Variants in BICC1 observed in about 807,000 individuals in gnomAD.
BICC1 encodes the protein BicC family RNA binding protein 1.
Under a neutral mutation model 111.0 loss-of-function variants are expected in BICC1, and 43 were observed. The ratio of observed to expected loss-of-function variants is 0.39; its 90% CI spans 0.30 to 0.50. The LOEUF (loss-of-function observed/expected upper bound fraction) is 0.50. BICC1 is among the 20% of genes least tolerant of loss of function. The pLI is 0.88. For missense variants in BICC1, 1,091 were observed against 1,203.2 expected, an observed-to-expected ratio of 0.91 and a Z score of 1.38; for synonymous variants, 467 against 434.4, an observed-to-expected ratio of 1.07 and a Z score of -0.93.
At position 58,806,639 on chromosome 10, in the gene BICC1, A is replaced by G. The variant is rs758523064; in HGVS notation, c.2221+16A>G. On this transcript the variant is annotated intron_variant, in intron 16 of 20. Transcript: ENST00000373886. ...GCCACCAAAGGTATGTAATACACTA[A>G]TAACTTACACTTGACTATATTTTAG... 5.0e-6 allele frequency: 8 copies of G among 1,592,000 alleles called. No homozygotes were observed. The African/African-American group carries it at 9.4e-5, about 19-fold the overall frequency.
At chr10:58,683,549 T>G (rs1242780314) in intron 2 of BICC1, among the ~76,000 whole-genome samples, 1 of 152,154 alleles carries the variant, frequency 6.6e-6, no homozygotes, top group Non-Finnish European at 1.5e-5. Flanking sequence ...TGTCCTCTTT[T>G]ATTTCGTTGA....
At chr10:58,717,641 A>G (rs1209731506) in intron 3 of BICC1, among the ~76,000 whole-genome samples, 1 of 152,222 alleles carries the variant, frequency 6.6e-6, no homozygotes, top group East Asian at 1.9e-4. Flanking sequence ...TGGCTATAAT[A>G]TACATTTCAA....
chr10:58,627,639 T>A (rs1002482283), intron 2 of BICC1, among the ~76,000 whole-genome samples: 3 of 152,232 alleles, frequency 2.0e-5, no homozygotes, highest in African/African-American at 7.2e-5. Flanking sequence ...ATTAGCTGTT[T>A]GTGAGGAAGG....
chr10:58,798,939 A>C, intron 11 of BICC1, 117 bp from the exon 12 acceptor site: 1 of 803,050 alleles, frequency 1.2e-6, no homozygotes. Context: ...CAGAGGTGTC[A>C]AAATTGAATT....
At chr10:58,572,193 T>A (rs1326919799) in intron 1 of BICC1, among the ~76,000 whole-genome samples, 1 of 152,180 alleles carries the variant, frequency 6.6e-6, no homozygotes, top group African/African-American at 2.4e-5. Context: ...TCTCGTAAAT[T>A]TGTCTAAGTT....
chr10:58,595,034 G>A (rs1202446795), intron 1 of BICC1, among the ~76,000 whole-genome samples: 1 of 152,146 alleles, frequency 6.6e-6, no homozygotes, highest in Non-Finnish European at 1.5e-5. Context: ...TATTTACCAA[G>A]CAAATGGAAA....
At chr10:58,565,659 T>C (rs142952233) in intron 1 of BICC1, among the ~76,000 whole-genome samples, 2 of 152,316 alleles carry the variant, frequency 1.3e-5, no homozygotes, top group African/African-American at 4.8e-5. Flanking sequence ...TGCTTCAGGC[T>C]GTAAAACTGA....
intron 3 of BICC1, among the ~76,000 whole-genome samples, chr10:58,766,999 G>A (rs1025620834): frequency 6.6e-6 from 1 of 152,076 alleles, no homozygotes; most frequent in African/African-American, 2.4e-5. Context: ...TTCAACAGCT[G>A]TTTGTATCTG....
At chr10:58,607,161 A>G (rs1383281728) in intron 1 of BICC1, among the ~76,000 whole-genome samples, 1 of 151,982 alleles carries the variant, frequency 6.6e-6, no homozygotes, top group African/African-American at 2.4e-5. Flanking sequence ...TACTAAAAAT[A>G]CAAAATTAGC....
chr10:58,518,474 G>A (rs1389563405), intron 1 of BICC1, among the ~76,000 whole-genome samples: 1 of 151,702 alleles, frequency 6.6e-6, no homozygotes, highest in Admixed American at 6.6e-5. Flanking sequence ...TTCAGATGCA[G>A]CAGTACTGTC....
At chr10:58,652,913 T>C (rs1838495994) in intron 2 of BICC1, among the ~76,000 whole-genome samples, 1 of 152,118 alleles carries the variant, frequency 6.6e-6, no homozygotes, top group African/African-American at 2.4e-5. Context: ...TTGCTGTTAG[T>C]AGAAGTCTTC....
intron 3 of BICC1, among the ~76,000 whole-genome samples, chr10:58,727,178 A>T (rs1411332870): frequency 6.6e-6 from 1 of 152,152 alleles, no homozygotes; most frequent in Admixed American, 6.5e-5. Flanking sequence ...TTTCTAGGGG[A>T]CAGTAAGAAA....
intron 1 of BICC1, among the ~76,000 whole-genome samples, chr10:58,561,301 C>G (rs1003827207): frequency 6.6e-6 from 1 of 151,710 alleles, no homozygotes; most frequent in Non-Finnish European, 1.5e-5. Flanking sequence ...TATATAATGA[C>G]TTTTTTTCTC....
intron 2 of BICC1, among the ~76,000 whole-genome samples, chr10:58,699,570 C>G (rs1039439304): frequency 5.9e-5 from 9 of 152,148 alleles, no homozygotes; most frequent in Admixed American, 5.9e-4. Flanking sequence ...TAATATGGCC[C>G]TTGACTTCAT....
At chr10:58,811,682 G>C (rs1843910015) in intron 17 of BICC1, among the ~76,000 whole-genome samples, 1 of 152,164 alleles carries the variant, frequency 6.6e-6, no homozygotes. Context: ...GAGCTTTCTT[G>C]TGGGTAGAAG....
intron 19 of BICC1, among the ~76,000 whole-genome samples, chr10:58,819,490 A>T (rs951491048): frequency 6.6e-6 from 1 of 152,164 alleles, no homozygotes; most frequent in Non-Finnish European, 1.5e-5. Context: ...AGAATCCCCC[A>T]TAAGTAACTT....
chr10:58,699,148 T>C (rs563659780), intron 2 of BICC1, among the ~76,000 whole-genome samples: 7 of 152,242 alleles, frequency 4.6e-5, no homozygotes, highest in Non-Finnish European at 8.8e-5. Context: ...TGGCATTTAC[T>C]GTGGCTCATA....
chr10:58,741,831 T>C (rs889267104), intron 3 of BICC1, among the ~76,000 whole-genome samples: 15 of 152,188 alleles, frequency 9.9e-5, no homozygotes, highest in African/African-American at 3.4e-4. Context: ...AAGACTGACT[T>C]AGAGGCTTTA....
chr10:58,824,127 A>G, intron 20 of BICC1: 2 of 982,060 alleles, frequency 2.0e-6, no homozygotes, highest in Non-Finnish European at 2.4e-6. Context: ...TCAGATTTGT[A>G]TTCCTGATGC....
Sources: allele counts gnomAD v4.1 joint callset (sites outside exome capture counted in the v4.1 genomes callset), GRCh38; gene constraint gnomAD v4.1.1; transcripts MANE v1.5; gene names NCBI Gene and HGNC (gene_info 2026-07-23, HGNC 2026-07-21).